The following HSD17B12 variants were observed in gnomAD, a reference collection of about 807,000 sequenced individuals.
HSD17B12 encodes the protein hydroxysteroid 17-beta dehydrogenase 12.
A neutral mutation model predicts 39.3 loss-of-function variants in HSD17B12; 32 were observed. The ratio of observed to expected loss-of-function variants is 0.81; its 90% CI spans 0.61 to 1.09. The LOEUF (loss-of-function observed/expected upper bound fraction) is 1.09, where lower values mean the gene tolerates loss of function less well. Ranked by LOEUF, HSD17B12 falls within the 50% of genes least tolerant of loss-of-function variation. The pLI is 0.00. For synonymous variants in HSD17B12, 150 were observed against 146.7 expected (o/e 1.02, Z -0.16); for missense variants, 342 against 382.9 (o/e 0.89, Z 0.89).
rs117704488 is a variant in HSD17B12, at chr11:43,848,673, G to A, written c.685-6042G>A. Among the ~76,000 whole-genome samples the A allele has an allele frequency of 1.3e-4, 20 of 152,280 alleles. No individual in the cohort carries two copies. The East Asian group carries it at 3.7e-3, about 28-fold the overall frequency. On this transcript the variant is annotated intron_variant, in intron 9 of 10. Transcript: ENST00000278353. ...TCTAATTACAGAGGAAGAAACTAAG[G>A]CTCAGTCATTGAGTGTTTTGCTCAA...
the HSD17B12 span, chr11:43,646,347 T>A: frequency 6.6e-6 from 1 of 152,196 alleles, no homozygotes; most frequent in African/African-American, 2.4e-5. Flanking sequence ...AACTTGACAA[T>A]TGAATAAAAA....
At chr11:43,789,561 C>T (rs1335007153) in intron 3 of HSD17B12, among the ~76,000 whole-genome samples, 1 of 152,116 alleles carries the variant, frequency 6.6e-6, no homozygotes, top group Non-Finnish European at 1.5e-5. Flanking sequence ...ATCTTTTTGT[C>T]TCTTTGACTA....
At chr11:43,743,339 G>A (rs1950385422) in intron 1 of HSD17B12, among the ~76,000 whole-genome samples, 1 of 152,134 alleles carries the variant, frequency 6.6e-6, no homozygotes, top group African/African-American at 2.4e-5. Flanking sequence ...TGCAACTAGG[G>A]AACTTCTGTC....
chr11:43,756,250 A>G (rs1025599982), intron 3 of HSD17B12, among the ~76,000 whole-genome samples: 22 of 152,002 alleles, frequency 1.4e-4, no homozygotes, highest in African/African-American at 5.1e-4. Context: ...AACCTTGCTG[A>G]GAGTACAGAT....
chr11:43,570,401 T>C, the HSD17B12 span: 4 of 152,206 alleles, frequency 2.6e-5, no homozygotes, highest in South Asian at 2.1e-4. Flanking sequence ...TTCAACCACA[T>C]TGCAATGGCT....
At chr11:43,601,835 T>C in the HSD17B12 span, among the ~76,000 whole-genome samples, 2 of 152,240 alleles carry the variant, frequency 1.3e-5, no homozygotes. Context: ...AGTTTGCTTC[T>C]CACCAGGTTT....
At chr11:43,766,683 A>T (rs541067113) in intron 3 of HSD17B12, among the ~76,000 whole-genome samples, 1 of 152,308 alleles carries the variant, frequency 6.6e-6, no homozygotes, top group Admixed American at 6.5e-5. Context: ...GCATGGTTTA[A>T]TGGGTGTGGG....
At chr11:43,620,393 C>T in the HSD17B12 span, among the ~76,000 whole-genome samples, 4 of 152,142 alleles carry the variant, frequency 2.6e-5, no homozygotes, top group Non-Finnish European at 5.9e-5. Context: ...TCATCAGTCT[C>T]ACTTCAGAGT....
intron 3 of HSD17B12, among the ~76,000 whole-genome samples, chr11:43,775,116 A>G (rs1950686941): frequency 6.6e-6 from 1 of 152,110 alleles, no homozygotes. Flanking sequence ...TGTGACGGGG[A>G]ATGGCAGGTG....
the HSD17B12 span, among the ~76,000 whole-genome samples, chr11:43,652,908 C>T: frequency 1.3e-5 from 2 of 152,074 alleles, no homozygotes; most frequent in Admixed American, 6.5e-5. Flanking sequence ...TAAGATCATA[C>T]TATTCATTAC....
chr11:43,855,048 TA>T, intron 10 of HSD17B12, 95 bp from the exon 11 acceptor site: 1 of 1,106,724 alleles, frequency 9.0e-7, no homozygotes, highest in Non-Finnish European at 1.3e-6. Context: ...TACCTATAAA[TA>T]AAAACAACAC....
the HSD17B12 span, among the ~76,000 whole-genome samples, chr11:43,583,186 A>G: frequency 6.6e-6 from 1 of 152,334 alleles, no homozygotes; most frequent in African/African-American, 2.4e-5. Context: ...GAACTTGCAC[A>G]GAAGAGGTTG....
At chr11:43,839,717 G>C (rs1488725876) in intron 8 of HSD17B12, among the ~76,000 whole-genome samples, 2 of 152,030 alleles carry the variant, frequency 1.3e-5, no homozygotes, top group African/African-American at 2.4e-5. Flanking sequence ...TTCTTGGAAA[G>C]TAATTTTCTG....
intron 3 of HSD17B12, 128 bp from the exon 4 acceptor site, chr11:43,798,192 G>T: frequency 1.6e-6 from 1 of 624,904 alleles, no homozygotes; most frequent in Non-Finnish European, 2.9e-6. Context: ...AATTATCCTG[G>T]TGTAAATTTT....
At chr11:43,562,219 A>C in the HSD17B12 span, among the ~76,000 whole-genome samples, 1 of 152,222 alleles carries the variant, frequency 6.6e-6, no homozygotes, top group Non-Finnish European at 1.5e-5. Context: ...GATATTAAAA[A>C]TTTTTTTAAA....
intron 1 of HSD17B12, chr11:43,734,301 A>C: frequency 8.6e-7 from 1 of 1,163,886 alleles, no homozygotes; most frequent in Non-Finnish European, 1.3e-6. Flanking sequence ...GAAGCCGTGG[A>C]AGCCAAAAAG....
intron 1 of HSD17B12, among the ~76,000 whole-genome samples, chr11:43,703,668 T>G (rs1409565068): frequency 6.6e-6 from 1 of 152,188 alleles, no homozygotes; most frequent in African/African-American, 2.4e-5. Context: ...GTCTAGGAAT[T>G]TGTCCATTTC....
chr11:43,606,877 A>T, the HSD17B12 span, among the ~76,000 whole-genome samples: 1 of 152,272 alleles, frequency 6.6e-6, no homozygotes, highest in African/African-American at 2.4e-5. Context: ...TAAAAATCAG[A>T]TGACTTGAAA....
intron 1 of HSD17B12, among the ~76,000 whole-genome samples, chr11:43,698,577 T>G (rs939482266): frequency 6.6e-6 from 1 of 152,216 alleles, no homozygotes; most frequent in Non-Finnish European, 1.5e-5. Context: ...AGGACCTGAG[T>G]TCATATCTCA....
Sources: allele counts gnomAD v4.1 joint callset (sites outside exome capture counted in the v4.1 genomes callset), GRCh38; gene constraint gnomAD v4.1.1; transcripts MANE v1.5; gene names NCBI Gene and HGNC (gene_info 2026-07-23, HGNC 2026-07-21).